WDR27: variants seen among roughly 807,000 people sequenced by gnomAD.
WDR27 encodes WD repeat-containing protein 27.
WDR27 carries 100 observed loss-of-function variants against 114.4 expected under a neutral mutation model. That is an observed-to-expected ratio of 0.87 (90% CI 0.74 to 1.03). The LOEUF (loss-of-function observed/expected upper bound fraction) is 1.03. Ranked by LOEUF, WDR27 falls within the 50% of genes least tolerant of loss-of-function variation. WDR27 has a pLI of 0.00. For missense variants in WDR27, 1,129 were observed against 1,092.9 expected (o/e 1.03, Z -0.47); for synonymous variants, 449 against 423.1 (o/e 1.06, Z -0.75).
At chr6:169,631,484 C>A (rs545017275) in intron 21 of WDR27, among the ~76,000 whole-genome samples, 1 of 152,128 alleles carries the variant, frequency 6.6e-6, no homozygotes, top group African/African-American at 2.4e-5. Context: ...AGCCTTTAAA[C>A]CCTCCCTTCT....
At chr6:169,480,980 C>A (rs1787964078) in intron 25 of WDR27, among the ~76,000 whole-genome samples, 1 of 151,804 alleles carries the variant, frequency 6.6e-6, no homozygotes, top group African/African-American at 2.4e-5. Flanking sequence ...CTGTGTCTAG[C>A]TCACAGATTG....
chr6:169,638,475 A>AAG, intron 18 of WDR27, 64 bp downstream of exon 18: 3 of 1,575,782 alleles, frequency 1.9e-6, no homozygotes, highest in Admixed American at 3.6e-5. Flanking sequence ...AAAGAATGAG[A>AAG]CTTTTGAGAA....
rs115443033 is a variant in WDR27 at position 169,470,673 on chromosome 6, C to T, written c.2646-13039G>A. ...AGACAGAAGAGAGATCTTTCTTCCTCTTCTTACAAAGCCAACAATTCTATC... is the reference window on the plus strand; with the variant it reads ...AGACAGAAGAGAGATCTTTCTTCCTTTTCTTACAAAGCCAACAATTCTATC... On this transcript the variant is annotated intron_variant, in intron 25 of 25. Transcript: ENST00000448612. 6.0e-3 allele frequency among the ~76,000 whole-genome samples: 916 copies of T among 152,240 alleles called. 10 individuals carry two copies. The highest frequency in any genetic ancestry group is 0.021 in the African/African-American group (854 of 41,532).
chr6:169,662,470 T>C (rs769327182), intron 8 of WDR27, 46 bp from the exon 9 acceptor site: 1 of 1,601,802 alleles, frequency 6.2e-7, no homozygotes, highest in Non-Finnish European at 8.5e-7. Flanking sequence ...CTTAAATGCA[T>C]CCGTCAAGTT....
chr6:169,431,688 T>C, the WDR27 span, among the ~76,000 whole-genome samples: 48 of 152,332 alleles, frequency 3.2e-4, no homozygotes, highest in Non-Finnish European at 8.8e-5. Flanking sequence ...GATATTAAAC[T>C]AAATCACCTA....
At chr6:169,642,678 C>T (rs1408683574) in intron 17 of WDR27, among the ~76,000 whole-genome samples, 4 of 152,144 alleles carry the variant, frequency 2.6e-5, no homozygotes, top group African/African-American at 9.7e-5. Context: ...CCTGCTAGAC[C>T]TGGCCCTGGG....
chr6:169,601,337 A>G (rs550317465), intron 23 of WDR27, among the ~76,000 whole-genome samples: 1 of 152,370 alleles, frequency 6.6e-6, no homozygotes, highest in Non-Finnish European at 1.5e-5. Context: ...CAGCAGAATC[A>G]TTTATTTCAG....
At chr6:169,431,375 C>T in the WDR27 span, among the ~76,000 whole-genome samples, 6 of 152,272 alleles carry the variant, frequency 3.9e-5, no homozygotes, top group East Asian at 1.9e-4. Context: ...ACTCACTTGA[C>T]ACATCAACAG....
At chr6:169,582,090 C>T (rs1803547548) in intron 24 of WDR27, among the ~76,000 whole-genome samples, 1 of 152,208 alleles carries the variant, frequency 6.6e-6, no homozygotes, top group Admixed American at 6.5e-5. Context: ...TCTCCTGCCT[C>T]AGCCTCCCAA....
At chr6:169,627,284 T>A (rs1267451207) in intron 21 of WDR27, among the ~76,000 whole-genome samples, 1 of 152,208 alleles carries the variant, frequency 6.6e-6, no homozygotes, top group Non-Finnish European at 1.5e-5. Context: ...AAACAAATCT[T>A]AATTATGCTA....
At chr6:169,598,738 C>T (rs1807333164) in intron 23 of WDR27, among the ~76,000 whole-genome samples, 1 of 152,200 alleles carries the variant, frequency 6.6e-6, no homozygotes, top group Non-Finnish European at 1.5e-5. Flanking sequence ...GCCAGGGAAG[C>T]GTGAGGGGTT....
chr6:169,698,869 A>G (rs1296286091), intron 1 of WDR27, among the ~76,000 whole-genome samples: 1 of 152,224 alleles, frequency 6.6e-6, no homozygotes, highest in Non-Finnish European at 1.5e-5. Flanking sequence ...TTGTGTAAGC[A>G]AGAGAGAAAC....
intron 25 of WDR27, among the ~76,000 whole-genome samples, chr6:169,486,568 T>C (rs1213071637): frequency 1.3e-5 from 2 of 152,166 alleles, no homozygotes; most frequent in Admixed American, 6.5e-5. Flanking sequence ...CTCGGCTCAC[T>C]GCAACCTCCA....
At chr6:169,461,451 T>C (rs1181847700) in intron 25 of WDR27, among the ~76,000 whole-genome samples, 1 of 151,978 alleles carries the variant, frequency 6.6e-6, no homozygotes, top group East Asian at 1.9e-4. Context: ...TAGAAATTGA[T>C]AATATAAGTT....
chr6:169,685,096 C>G (rs954658545), intron 2 of WDR27, among the ~76,000 whole-genome samples: 2 of 152,144 alleles, frequency 1.3e-5, no homozygotes, highest in Non-Finnish European at 1.5e-5. Context: ...ACAGATACTA[C>G]GCTACTACAT....
At chr6:169,610,088 C>G (rs1410164102) in intron 22 of WDR27, among the ~76,000 whole-genome samples, 1 of 152,170 alleles carries the variant, frequency 6.6e-6, no homozygotes, top group African/African-American at 2.4e-5. Context: ...CTTATTGTCC[C>G]CATATCACTA....
intron 22 of WDR27, among the ~76,000 whole-genome samples, chr6:169,613,260 G>C (rs1490505220): frequency 2.6e-5 from 4 of 152,284 alleles, no homozygotes; most frequent in East Asian, 1.9e-4. Context: ...TTGGGAGAGA[G>C]AGCAGTAATC....
At chr6:169,510,335 T>G (rs1397945438) in intron 25 of WDR27, among the ~76,000 whole-genome samples, 1 of 152,106 alleles carries the variant, frequency 6.6e-6, no homozygotes, top group Non-Finnish European at 1.5e-5. Flanking sequence ...TGCACACGTA[T>G]GTTTATTGTG....
chr6:169,653,889 G>C (rs752624009), intron 13 of WDR27, among the ~76,000 whole-genome samples: 6 of 152,224 alleles, frequency 3.9e-5, no homozygotes, highest in Non-Finnish European at 8.8e-5. Context: ...AGCCCAGGAA[G>C]CCTGTGCCGT....
Sources: allele counts gnomAD v4.1 joint callset (sites outside exome capture counted in the v4.1 genomes callset), GRCh38; gene constraint gnomAD v4.1.1; transcripts MANE v1.5; gene names NCBI Gene and HGNC (gene_info 2026-07-23, HGNC 2026-07-21).